PCSK5: variants seen among roughly 807,000 people sequenced by gnomAD.
PCSK5 encodes the protein proprotein convertase subtilisin/kexin type 5, also known as prohormone convertase 5.
In PCSK5, 129 loss-of-function variants were observed where a neutral mutation model predicts 233.2. That is an observed-to-expected ratio of 0.55 (90% CI 0.48 to 0.64). The LOEUF (loss-of-function observed/expected upper bound fraction) is 0.64, where lower values mean the gene tolerates loss of function less well. Among genes scored for constraint, PCSK5 ranks in the 30% least tolerant of loss-of-function variants. The probability of loss-of-function intolerance (pLI) is 0.00; values close to 1 mark genes in which losing one functional copy is unlikely to be tolerated. For missense variants in PCSK5, 2,076 were observed against 2,430.1 expected, an observed-to-expected ratio of 0.85 and a Z score of 3.06; for synonymous variants, 825 against 879.2, an observed-to-expected ratio of 0.94 and a Z score of 1.09.
Position 76,096,793 on chromosome 9 carries a change from G to A in PCSK5, c.1107+691G>A, listed in dbSNP as rs910508507. ...ATTTTTGTATTTTAGTAGAGACAGGGTTTCACCACGTTGGCCAGGCTGGTC... is the reference window on the plus strand; with the variant it reads ...ATTTTTGTATTTTAGTAGAGACAGGATTTCACCACGTTGGCCAGGCTGGTC... On this transcript the variant is annotated intron_variant, in intron 8 of 37. Coordinates refer to ENST00000674117, the MANE Select transcript of PCSK5 (RefSeq NM_001372043.1). Among the ~76,000 whole-genome samples the A allele has an allele frequency of 2.0e-5, 3 of 152,038 alleles. No individual in the cohort carries two copies. In the South Asian group the frequency reaches 6.2e-4, roughly 32 times the overall value.
chr9:76,308,400 T>C (rs1261491980), intron 28 of PCSK5, among the ~76,000 whole-genome samples: 2 of 152,216 alleles, frequency 1.3e-5, no homozygotes, highest in Admixed American at 1.3e-4. Context: ...TTCCTTGTGG[T>C]ACCACACATT....
chr9:76,272,874 T>TTCCTC (rs1345274023), intron 24 of PCSK5, among the ~76,000 whole-genome samples: 3 of 151,380 alleles, frequency 2.0e-5, no homozygotes, highest in Non-Finnish European at 4.4e-5. Flanking sequence ...TGTCCAGCCT[T>TTCCTC]TCCTCTCCTG....
chr9:76,264,714 C>T (rs1462069085), intron 24 of PCSK5, among the ~76,000 whole-genome samples: 1 of 152,050 alleles, frequency 6.6e-6, no homozygotes, highest in Non-Finnish European at 1.5e-5. Flanking sequence ...GGTAACATCT[C>T]ATACCAGTCA....
chr9:76,113,123 C>T (rs558952046), intron 9 of PCSK5, among the ~76,000 whole-genome samples: 1 of 152,154 alleles, frequency 6.6e-6, no homozygotes, highest in Non-Finnish European at 1.5e-5. Context: ...TGCCTCAACT[C>T]GTCTCTCATC....
intron 1 of PCSK5, among the ~76,000 whole-genome samples, chr9:75,903,077 A>G (rs916350557): frequency 1.3e-5 from 2 of 152,198 alleles, no homozygotes; most frequent in African/African-American, 4.8e-5. Context: ...ACAGATAATT[A>G]TAACTATAAT....
rs931535572 is a variant in PCSK5 at position 76,177,661 on chromosome 9, A to G, written c.1901-1935A>G. 2.0e-5 allele frequency among the ~76,000 whole-genome samples: 3 copies of G among 152,234 alleles called. No individual in the cohort carries two copies. In the South Asian group the frequency reaches 6.2e-4, roughly 32 times the overall value. ...ATCCAAAAAACATAAATAGAGTATAATAGTAAGCTGTTACTCTTTATTCAT... is the reference window on the plus strand; with the variant it reads ...ATCCAAAAAACATAAATAGAGTATAGTAGTAAGCTGTTACTCTTTATTCAT... On this transcript the variant is annotated intron_variant, in intron 14 of 37. Transcript: ENST00000674117.
chr9:76,193,433 A>T, intron 20 of PCSK5: 5 of 1,124,256 alleles, frequency 4.4e-6, no homozygotes, highest in Non-Finnish European at 6.0e-6. Flanking sequence ...AAAAAGAAAA[A>T]AAAAAAAAGC....
At chr9:75,944,881 A>G (rs147227964) in intron 2 of PCSK5, among the ~76,000 whole-genome samples, 46,215 of 151,902 alleles carry the variant, frequency 0.3, 7,271 homozygotes, top group East Asian at 0.48. Flanking sequence ...AGGCCTAGGC[A>G]GGCGGATCAC....
chr9:76,239,222 C>A (rs1826352437), intron 23 of PCSK5, 57 bp downstream of exon 23: 6 of 1,370,862 alleles, frequency 4.4e-6, no homozygotes, highest in Non-Finnish European at 5.1e-6. Context: ...GGGGCTGCAC[C>A]CTGGATGTCC....
intron 20 of PCSK5, among the ~76,000 whole-genome samples, chr9:76,220,686 T>C (rs1825701877): frequency 6.6e-6 from 1 of 151,994 alleles, no homozygotes. Flanking sequence ...CAGCAAAATG[T>C]TTTGAAATAT....
intron 24 of PCSK5, among the ~76,000 whole-genome samples, chr9:76,245,855 T>G (rs1486573452): frequency 6.6e-6 from 1 of 152,090 alleles, no homozygotes; most frequent in African/African-American, 2.4e-5. Context: ...GGAGAGAGGC[T>G]TTAGTAGATA....
chr9:76,310,930 C>T lies in PCSK5; in HGVS notation c.3884+79C>T, dbSNP rs995558852. On this transcript the variant is annotated intron_variant, in intron 30 of 37. Transcript: ENST00000674117. ...TTTGGGAGCAATTCTTTCTTATTCACCAAAAAACTCTTCTCTGCTCTACGA... is the reference window on the plus strand; with the variant it reads ...TTTGGGAGCAATTCTTTCTTATTCATCAAAAAACTCTTCTCTGCTCTACGA... 5.2e-6 allele frequency: 5 copies of T among 955,808 alleles called. No homozygotes were observed. The African/African-American group carries it at 6.6e-5, about 13-fold the overall frequency. The allele number at this position is 955,808 out of a possible 1,614,324, so 59.2% of individuals were successfully genotyped here. A position where few individuals can be genotyped will look rare whatever the true frequency, so the allele number is the denominator to read the frequency against.
intron 27 of PCSK5, among the ~76,000 whole-genome samples, chr9:76,300,887 T>G (rs571624320): frequency 5.4e-4 from 82 of 152,264 alleles, no homozygotes; most frequent in African/African-American, 1.9e-3. Context: ...CAATAAAGTC[T>G]CGTCTACTCC....
intron 8 of PCSK5, 115 bp downstream of exon 8, chr9:76,096,217 A>C (rs1831507514): frequency 1.5e-5 from 10 of 669,720 alleles, no homozygotes; most frequent in Admixed American, 2.7e-5. Context: ...ACACACACAG[A>C]AGTAATATAT....
In PCSK5 at chr9:76,341,079, G is replaced by A. The variant is rs372168581; in HGVS notation, c.4966+2632G>A. On this transcript the variant is annotated intron_variant, in intron 35 of 37. Transcript: ENST00000674117. ...AAAAAAAAAAAAAATACAAAAATTA[G>A]TCAGGAGTGGTGGCACACAACAGTA... Among the ~76,000 whole-genome samples the A allele has an allele frequency of 5.8e-4, 88 of 150,938 alleles. 2 individuals are homozygous for A. Among genetic ancestry groups the A allele is most frequent in the African/African-American group, 2.1e-3 (85 of 41,100 alleles).
At chr9:76,012,109 G>A (rs1200402528) in intron 3 of PCSK5, among the ~76,000 whole-genome samples, 2 of 152,040 alleles carry the variant, frequency 1.3e-5, no homozygotes, top group Non-Finnish European at 2.9e-5. Flanking sequence ...AAGCACGGTT[G>A]GAAATTTTAA....
intron 8 of PCSK5, among the ~76,000 whole-genome samples, chr9:76,103,792 A>G (rs1445590774): frequency 6.6e-6 from 1 of 152,170 alleles, no homozygotes; most frequent in African/African-American, 2.4e-5. Context: ...GATGGGCACA[A>G]ATGATATTTT....
chr9:76,054,746 C>T (rs1168756803), intron 5 of PCSK5, among the ~76,000 whole-genome samples: 1 of 152,132 alleles, frequency 6.6e-6, no homozygotes, highest in African/African-American at 2.4e-5. Flanking sequence ...ACGATGGTAA[C>T]AGTTTATGTA....
Position 76,330,735 on chromosome 9 carries a change from C to T in PCSK5, c.4571-1698C>T, listed in dbSNP as rs139675143. Among the ~76,000 whole-genome samples the T allele has an allele frequency of 2.0e-4, 30 of 152,262 alleles. No individual in the cohort carries two copies. In the East Asian group the frequency reaches 5.2e-3, roughly 26 times the overall value. ...GACACAGGGAGACCTATTCTCAATA[C>T]CATTCCTGATCACTTCACAATAGAA... On this transcript the variant is annotated intron_variant, in intron 33 of 37. Coordinates refer to ENST00000674117, the MANE Select transcript of PCSK5 (RefSeq NM_001372043.1).
Sources: allele counts gnomAD v4.1 joint callset (sites outside exome capture counted in the v4.1 genomes callset), GRCh38; gene constraint gnomAD v4.1.1; transcripts MANE v1.5; gene names NCBI Gene and HGNC (gene_info 2026-07-23, HGNC 2026-07-21).